Variants in ZNF83 observed in about 807,000 individuals in gnomAD.
ZNF83 encodes zinc finger protein 83.
For synonymous variants in ZNF83, 209 were observed against 213.0 expected, an observed-to-expected ratio of 0.98 and a Z score of 0.17; for missense variants, 552 against 629.9, an observed-to-expected ratio of 0.88 and a Z score of 1.32.
At chr19:52,657,121 C>T (rs1313984868) in intron 2 of ZNF83, among the ~76,000 whole-genome samples, 1 of 150,064 alleles carries the variant, frequency 6.7e-6, no homozygotes, top group Non-Finnish European at 1.5e-5. Context: ...ATCACCCCCA[C>T]CCTCCCAAAA....
chr19:52,675,201 C>T (rs893578782), intron 1 of ZNF83, among the ~76,000 whole-genome samples: 2 of 152,130 alleles, frequency 1.3e-5, no homozygotes, highest in African/African-American at 4.8e-5. Context: ...AACCTGGGGG[C>T]AAATTAACAT....
intron 1 of ZNF83, among the ~76,000 whole-genome samples, chr19:52,676,719 A>G (rs2061816727): frequency 7.2e-6 from 1 of 138,166 alleles, no homozygotes; most frequent in Non-Finnish European, 1.6e-5. Context: ...GAGAAATCGG[A>G]TGGTTGCCGT....
At chr19:52,632,639 GTAAA>G (rs1203891730) in intron 2 of ZNF83, among the ~76,000 whole-genome samples, 1 of 132,642 alleles carries the variant, frequency 7.5e-6, no homozygotes, top group South Asian at 2.4e-4. Context: ...AACTCTTAAA[GTAAA>G]TAAATAATCT....
chr19:52,654,131 G>C lies in ZNF83; in HGVS notation c.-74+1430C>G, dbSNP rs768837397. On this transcript the variant is annotated intron_variant, in intron 3 of 5. Transcript: ENST00000594682. ...TGTGAATAAAAGCTTGATCCAAGCTGATCTTTAATAGGCTTGTTTCCAGCA... is the reference window on the plus strand; with the variant it reads ...TGTGAATAAAAGCTTGATCCAAGCTCATCTTTAATAGGCTTGTTTCCAGCA... The C allele has an allele frequency of 3.2e-5, 52 of 1,605,498 alleles. 4 individuals carry two copies. In the Middle Eastern group the frequency reaches 6.6e-3, roughly 204 times the overall value.
intron 1 of ZNF83, among the ~76,000 whole-genome samples, chr19:52,678,193 C>G (rs1296635528): frequency 6.6e-6 from 1 of 151,902 alleles, no homozygotes; most frequent in African/African-American, 2.4e-5. Context: ...TGGCTCAAGC[C>G]TGTAATCCTA....
chr19:52,650,361 A>C (rs899363986), intron 3 of ZNF83: 4 of 151,724 alleles, frequency 2.6e-5, no homozygotes, highest in African/African-American at 9.7e-5. Context: ...GGTTCACGTG[A>C]TTCTCCTGCC....
rs148366971 is a variant in ZNF83, at chr19:52,686,660, A to C, written c.-283+3783T>G. Among the ~76,000 whole-genome samples, 307 of 152,026 alleles carry C rather than the reference A, an allele frequency of 2.0e-3. 1 individual carries two copies. Among genetic ancestry groups the C allele is most frequent in the Non-Finnish European group, 3.8e-3 (255 of 67,984 alleles). On this transcript the variant is annotated intron_variant, in intron 1 of 5. Transcript: ENST00000594682. The stretch of plus-strand genomic sequence containing the variant: ...ATGATTTCAGCTCACTGCAACCTCT[A>C]CCTCCCAGGTTCAAGTGATTGTGTA...
chr19:52,639,478 C>T (rs561435863), upstream of ZNF83, among the ~76,000 whole-genome samples: 43 of 123,698 alleles, frequency 3.5e-4, no homozygotes, highest in Non-Finnish European at 5.4e-4. Context: ...AATGCGGTGG[C>T]GAGATCTGGG....
chr19:52,668,528 G>A (rs1365121539), intron 1 of ZNF83, among the ~76,000 whole-genome samples: 1 of 152,096 alleles, frequency 6.6e-6, no homozygotes, highest in Non-Finnish European at 1.5e-5. Context: ...TCTTTAGGGT[G>A]TGCTTTTTTC....
At chr19:52,690,182 GA>G (rs35717855) in intron 1 of ZNF83, among the ~76,000 whole-genome samples, 77,077 of 132,012 alleles carry the variant, frequency 0.58, 21,431 homozygotes, top group African/African-American at 0.65. Context: ...ATGATTTTGA[GA>G]AAAAAAAAAA....
Position 52,613,781 on chromosome 19 carries a change from T to A in ZNF83, c.784A>T (p.Arg262Ter). The A allele has an allele frequency of 6.2e-7, 1 of 1,613,202 alleles. No homozygotes were observed. Among genetic ancestry groups the A allele is most frequent in the Non-Finnish European group, 8.5e-7 (1 of 1,179,674 alleles). Residue 262 changes from arginine (R) to a stop codon, truncating the protein, a stop_gained, in exon 3 of 3, where the codon AGA (arginine) becomes TGA (stop). Coordinates refer to ENST00000301096, the Ensembl canonical transcript of ZNF83. LOFTEE classifies it low-confidence loss of function (END_TRUNC). The stretch of plus-strand genomic sequence containing the variant: ...AAGACCTTTCCACATACATTACATC[T>A]GTAAGGTTTCTCTCCAGTATGAATG...
At chr19:52,648,153 CTT>C (rs375992477) in intron 3 of ZNF83, among the ~76,000 whole-genome samples, 9 of 143,710 alleles carry the variant, frequency 6.3e-5, no homozygotes, top group East Asian at 2.0e-4. Context: ...GCTTTCTTAT[CTT>C]TTTTTTTTTT....
intron 2 of ZNF83, among the ~76,000 whole-genome samples, chr19:52,628,174 T>C (rs1413024981): frequency 6.6e-6 from 1 of 150,886 alleles, no homozygotes; most frequent in Non-Finnish European, 1.5e-5. Flanking sequence ...TGGTGGTCTC[T>C]TCACACGGAC....
chr19:52,640,695 C>T (rs190521898), upstream of ZNF83, among the ~76,000 whole-genome samples: 4 of 152,204 alleles, frequency 2.6e-5, no homozygotes, highest in Admixed American at 2.0e-4. Flanking sequence ...GGTCCCTGCC[C>T]TCCCCACTGC....
intron 1 of ZNF83, among the ~76,000 whole-genome samples, chr19:52,686,474 ATATATAT>A (rs2062017227): frequency 7.1e-6 from 1 of 141,318 alleles, no homozygotes; most frequent in African/African-American, 2.7e-5. Flanking sequence ...ATATATATAT[ATATATAT>A]AAATAAATGA....
intron 2 of ZNF83, among the ~76,000 whole-genome samples, chr19:52,626,995 T>C (rs555323779): frequency 2.6e-5 from 4 of 152,310 alleles, no homozygotes; most frequent in African/African-American, 7.2e-5. Flanking sequence ...TCTTAACTGA[T>C]TGACCAACCT....
intron 3 of ZNF83, among the ~76,000 whole-genome samples, chr19:52,648,887 C>G (rs992349251): frequency 6.6e-6 from 1 of 152,200 alleles, no homozygotes; most frequent in Non-Finnish European, 1.5e-5. Flanking sequence ...ACACCAGAAG[C>G]TGACTAGTCT....
At chr19:52,651,507 C>T (rs972929961) in intron 3 of ZNF83, 2 of 152,054 alleles carry the variant, frequency 1.3e-5, no homozygotes, top group Non-Finnish European at 2.9e-5. Context: ...TTTCCATCAG[C>T]CTTCTCAACC....
chr19:52,635,027 G>A, intron 2 of ZNF83, 39 bp downstream of exon 2: 1 of 725,718 alleles, frequency 1.4e-6, no homozygotes, highest in Non-Finnish European at 2.5e-6. Flanking sequence ...GTTTCTGAAA[G>A]GAAAGAGACA....
Sources: gnomAD v4.1 joint callset for allele counts (sites outside exome capture counted in the v4.1 genomes callset) on GRCh38, gnomAD v4.1.1 for gene constraint, MANE v1.5 for transcripts, NCBI Gene and HGNC (gene_info 2026-07-23, HGNC 2026-07-21) for gene names.